The following FASTKD1 variants were observed in gnomAD, a reference collection of about 807,000 sequenced individuals.
FASTKD1 encodes FAST kinase domain-containing protein 1, mitochondrial.
FASTKD1 carries 94 observed loss-of-function variants against 90.9 expected under a neutral mutation model. The ratio of observed to expected loss-of-function variants is 1.03; its 90% CI spans 0.88 to 1.23. The LOEUF is 1.23. Among genes scored for constraint, FASTKD1 ranks in the 50% most tolerant of loss-of-function variants. The pLI is 0.00. For synonymous variants in FASTKD1, 319 were observed against 345.8 expected (o/e 0.92, Z 0.86); for missense variants, 945 against 993.5 (o/e 0.95, Z 0.66).
intron 12 of FASTKD1, among the ~76,000 whole-genome samples, chr2:169,534,183 CAAAAAAAAAAAAAAAAAA>C (rs71003097): frequency 4.3e-5 from 2 of 46,314 alleles, no homozygotes; most frequent in Non-Finnish European, 7.1e-5. Flanking sequence ...GACCCTTTCT[CAAAAAAAAAAAAAAAAAA>C]AAAAAAAAAA....
intron 7 of FASTKD1, among the ~76,000 whole-genome samples, chr2:169,547,733 A>C (rs1327550096): frequency 6.6e-6 from 1 of 151,706 alleles, no homozygotes; most frequent in Non-Finnish European, 1.5e-5. Flanking sequence ...CAAAAAAATT[A>C]GCTTAGCCAG....
chr2:169,560,787 T>C lies in FASTKD1; in HGVS notation c.573-2A>G. On this transcript the variant is annotated splice_acceptor_variant, in intron 4 of 14. Coordinates refer to ENST00000453153, the MANE Select transcript of FASTKD1 (RefSeq NM_024622.6). LOFTEE classifies it high-confidence loss of function. ...TTGACCATCAAGACAGACAAGGAACTGAAAAAGAAAAAAGATGCAAAGATT... is the reference window on the plus strand; with the variant it reads ...TTGACCATCAAGACAGACAAGGAACCGAAAAAGAAAAAAGATGCAAAGATT... The C allele has an allele frequency of 6.9e-7, 1 of 1,454,504 alleles. No individual in the cohort carries two copies. The highest frequency in any genetic ancestry group is 9.1e-7 in the Non-Finnish European group (1 of 1,101,536). 90.1% of individuals were successfully genotyped at this position (1,454,504 alleles called of 1,614,324 possible). A position where few individuals can be genotyped will look rare whatever the true frequency, so the allele number is the denominator to read the frequency against.
At chr2:169,541,663 C>T (rs1684962653) in intron 9 of FASTKD1, among the ~76,000 whole-genome samples, 1 of 152,144 alleles carries the variant, frequency 6.6e-6, no homozygotes, top group Admixed American at 6.6e-5. Flanking sequence ...TTGCTTCATA[C>T]CAGCTTCACC....
chr2:169,544,658 G>T, intron 9 of FASTKD1, 63 bp downstream of exon 9: 1 of 890,738 alleles, frequency 1.1e-6, no homozygotes, highest in Non-Finnish European at 1.9e-6. Flanking sequence ...ACATCTCCTA[G>T]CTCAGCAGCA....
At chr2:169,561,620 GAATA>G (rs1559156183) in intron 4 of FASTKD1, among the ~76,000 whole-genome samples, 2 of 150,254 alleles carry the variant, frequency 1.3e-5, no homozygotes, top group Admixed American at 1.3e-4. Flanking sequence ...CAGATGGAAA[GAATA>G]AAAAAGACAT....
intron 12 of FASTKD1, among the ~76,000 whole-genome samples, chr2:169,532,158 A>C (rs952691631): frequency 8.5e-5 from 13 of 152,066 alleles, no homozygotes; most frequent in African/African-American, 2.9e-4. Flanking sequence ...AGTGGCTCAC[A>C]CCTGTAATCC....
intron 12 of FASTKD1, 83 bp downstream of exon 12, chr2:169,537,144 T>A: frequency 1.1e-6 from 1 of 897,582 alleles, no homozygotes; most frequent in Non-Finnish European, 1.8e-6. Flanking sequence ...CAAAAAACTT[T>A]AAAAAATTCC....
intron 3 of FASTKD1, 146 bp from the exon 4 acceptor site, chr2:169,563,496 G>T: frequency 2.2e-6 from 1 of 455,918 alleles, no homozygotes; most frequent in Non-Finnish European, 3.5e-6. Context: ...AAGTAACATG[G>T]CAACAGTTAA....
At chr2:169,554,345 A>T (rs374764680) in intron 7 of FASTKD1, among the ~76,000 whole-genome samples, 2 of 150,066 alleles carry the variant, frequency 1.3e-5, no homozygotes, top group African/African-American at 4.9e-5. Flanking sequence ...GGTGATTTTA[A>T]ATTATAAAGG....
rs567303442 is a variant in FASTKD1, at chr2:169,548,905, T to C, written c.1215-2201A>G. Among the ~76,000 whole-genome samples the C allele has an allele frequency of 1.1e-4, 17 of 151,058 alleles. 1 individual carries two copies. The East Asian group carries it at 1.8e-3, about 16-fold the overall frequency. Reference sequence around the variant, plus strand: ...GTCAGGAGATCGAGACCATTCTGGCTAACATGGTGAAACACCGTCTCTACT... The same window carrying C: ...GTCAGGAGATCGAGACCATTCTGGCCAACATGGTGAAACACCGTCTCTACT... On this transcript the variant is annotated intron_variant, in intron 7 of 14. Coordinates refer to ENST00000453153, the MANE Select transcript of FASTKD1 (RefSeq NM_024622.6).
intron 7 of FASTKD1, among the ~76,000 whole-genome samples, chr2:169,551,347 T>C (rs1685481201): frequency 6.6e-6 from 1 of 152,184 alleles, no homozygotes; most frequent in African/African-American, 2.4e-5. Flanking sequence ...TAAACAGTAC[T>C]GCTGATAATA....
intron 13 of FASTKD1, 23 bp downstream of exon 13, chr2:169,531,323 ATACAAT>A (rs1171327683): frequency 2.5e-6 from 4 of 1,602,522 alleles, no homozygotes; most frequent in Non-Finnish European, 3.4e-6. Context: ...TTAGATATTA[ATACAAT>A]CTAAAACTAA....
chr2:169,561,243 T>C (rs117782485), intron 4 of FASTKD1, among the ~76,000 whole-genome samples: 7 of 150,488 alleles, frequency 4.7e-5, no homozygotes, highest in Admixed American at 3.3e-4. Context: ...GGTTGCATCA[T>C]TGCACTCCAG....
chr2:169,569,233 C>G lies in FASTKD1; in HGVS notation c.397G>C (p.Asp133His). The G allele has an allele frequency of 6.2e-7, 1 of 1,614,030 alleles. No homozygotes were observed. Among genetic ancestry groups the G allele is most frequent in the Non-Finnish European group, 8.5e-7 (1 of 1,179,984 alleles). Residue 133 changes from aspartate (D) to histidine (H), a missense_variant, in exon 3 of 15, where the codon GAC (aspartate) becomes CAC (histidine). Transcript: ENST00000453153. ...VTQQFAGEAH[D>H]PLVEALVTEA... is the part of the protein sequence containing the mutation. ...GTAACTAGTGCTTCAACTAGCGGGT[C>G]ATGGGCCTCACCAGCAAACCTTAAT...
At chr2:169,546,098 G>T (rs1685178773) in intron 8 of FASTKD1, 120 bp downstream of exon 8, 2 of 1,118,852 alleles carry the variant, frequency 1.8e-6, no homozygotes. Flanking sequence ...ATCTGACCCA[G>T]AATTTATTTA....
rs555988638 is a variant in FASTKD1, at chr2:169,540,284, C to T, written c.1817-105G>A. 1.1e-5 allele frequency: 12 copies of T among 1,093,736 alleles called. No individual in the cohort carries two copies. In the African/African-American group the frequency reaches 1.5e-4, roughly 13 times the overall value. The allele number at this position is 1,093,736 out of a possible 1,614,324, so 67.8% of individuals were successfully genotyped here. On this transcript the variant is annotated intron_variant, in intron 9 of 14. Transcript: ENST00000453153. Reference sequence around the variant, plus strand: ...GGTTTTTAAAAAAAAGATACACAGCCTTGACAAAACTAATCTACACTGTTA... The same window carrying T: ...GGTTTTTAAAAAAAAGATACACAGCTTTGACAAAACTAATCTACACTGTTA...
chr2:169,573,389 G>A (rs959124604), intron 1 of FASTKD1: 3 of 152,264 alleles, frequency 2.0e-5, no homozygotes, highest in African/African-American at 4.8e-5. Flanking sequence ...GAAAGGTGTC[G>A]AGTCCCCAGC....
At position 169,546,347 on chromosome 2, in the gene FASTKD1, TA is replaced by T; in HGVS notation, c.1571del (p.Leu524TyrfsTer11). 1 of 1,614,082 alleles carries T rather than the reference TA, an allele frequency of 6.2e-7. No homozygotes were observed. Reference sequence around the variant, plus strand: ...AATTAATATCATCCATGAAATGCTGTAAAGTAGCAATCATTTCTTCAAGAAG... The same window carrying T: ...AATTAATATCATCCATGAAATGCTGTAAGTAGCAATCATTTCTTCAAGAAG... ...ESLLEEMIAT[L>X]QHFMDDINYI... On this transcript the variant is annotated frameshift_variant, in exon 8 of 15. Transcript: ENST00000453153. LOFTEE classifies it high-confidence loss of function.
chr2:169,571,664 G>T lies in FASTKD1; in HGVS notation c.366C>A (p.Tyr122Ter), dbSNP rs374195638. Residue 122 changes from tyrosine to a stop codon, truncating the protein, a stop_gained, in exon 2 of 15, where the codon TAC becomes TAA. Coordinates refer to ENST00000453153, the MANE Select transcript of FASTKD1 (RefSeq NM_024622.6). LOFTEE classifies it high-confidence loss of function. ...AGTAAATTACTTACTGTTGTGTGAC[G>T]TATAACACATTCACCAGGGTATCGT... ...MNDDTLVNVLYVTQQFAGEAH... is the reference protein window; with the variant it reads ...MNDDTLVNVL 1.9e-6 allele frequency: 3 copies of T among 1,590,588 alleles called. No homozygotes were observed. Among genetic ancestry groups the T allele is most frequent in the South Asian group, 2.2e-5 (2 of 89,934 alleles).
Sources: gnomAD v4.1 joint callset for allele counts (sites outside exome capture counted in the v4.1 genomes callset) on GRCh38, gnomAD v4.1.1 for gene constraint, MANE v1.5 for transcripts, NCBI Gene and HGNC (gene_info 2026-07-23, HGNC 2026-07-21) for gene names.